Variants in HOMER1 observed in about 807,000 individuals in gnomAD.
The protein encoded by HOMER1 is homer scaffold protein 1, also known as homer protein homolog 1.
A neutral mutation model predicts 48.9 loss-of-function variants in HOMER1; 3 were observed. That is an observed-to-expected ratio of 0.06 (90% CI 0.03 to 0.16). The LOEUF (loss-of-function observed/expected upper bound fraction) is 0.16, where lower values mean the gene tolerates loss of function less well. Among genes scored for constraint, HOMER1 ranks in the 10% least tolerant of loss-of-function variants. The pLI, the probability that HOMER1 is intolerant of heterozygous loss-of-function variation, is 1.00. For missense variants in HOMER1, 247 were observed against 411.4 expected (o/e 0.60, Z 3.46); for synonymous variants, 134 against 146.4 (o/e 0.92, Z 0.61).
At chr5:79,508,451 G>T (rs1357919874) in intron 1 of HOMER1, among the ~76,000 whole-genome samples, 1 of 152,146 alleles carries the variant, frequency 6.6e-6, no homozygotes, top group East Asian at 1.9e-4. Flanking sequence ...CTAAACTACA[G>T]GATAATCCAA....
chr5:79,387,065 T>TTCTTTCTC (rs1554056666), intron 8 of HOMER1, among the ~76,000 whole-genome samples: 1 of 109,136 alleles, frequency 9.2e-6, no homozygotes, highest in East Asian at 3.6e-4. Context: ...CCTCTTTCCT[T>TTCTTTCTC]TCTTTCTCTA....
rs1748692060 is a variant in HOMER1, at chr5:79,373,773, C to T, written c.*2236G>A. 1 of 151,838 alleles carries T rather than the reference C, an allele frequency of 6.6e-6. No homozygotes were observed. Among genetic ancestry groups the T allele is most frequent in the Non-Finnish European group, 1.5e-5 (1 of 67,868 alleles). 9.4% of individuals were successfully genotyped at this position (151,838 alleles called of 1,614,324 possible). A position where few individuals can be genotyped will look rare whatever the true frequency, so the allele number is the denominator to read the frequency against. On this transcript the variant is annotated 3_prime_UTR_variant, in exon 9 of 9. Transcript: ENST00000334082. ...CACTAAAAAAGGAAACAATTAGGCTCTATTGGACAAGAAAAACACTCACAA... is the reference window on the plus strand; with the variant it reads ...CACTAAAAAAGGAAACAATTAGGCTTTATTGGACAAGAAAAACACTCACAA...
At chr5:79,498,715 G>T (rs149426797) in intron 1 of HOMER1, among the ~76,000 whole-genome samples, 2 of 152,062 alleles carry the variant, frequency 1.3e-5, no homozygotes, top group South Asian at 2.1e-4. Context: ...TTTAAATCTG[G>T]ATACAATATG....
At chr5:79,392,954 G>GGGGAGAGAGAGA (rs758464934) in intron 8 of HOMER1, among the ~76,000 whole-genome samples, 13 of 140,958 alleles carry the variant, frequency 9.2e-5, no homozygotes, top group African/African-American at 3.0e-4. Flanking sequence ...GAAGGGAAAG[G>GGGGAGAGAGAGA]GAGAGAGAGA....
At chr5:79,398,538 C>T (rs1477393560) in intron 6 of HOMER1, among the ~76,000 whole-genome samples, 1 of 152,100 alleles carries the variant, frequency 6.6e-6, no homozygotes, top group Non-Finnish European at 1.5e-5. Flanking sequence ...CTAATAGCCT[C>T]GTTACAAACC....
intron 1 of HOMER1, among the ~76,000 whole-genome samples, chr5:79,498,971 G>T (rs1464671674): frequency 6.6e-6 from 1 of 151,886 alleles, no homozygotes; most frequent in African/African-American, 2.4e-5. Flanking sequence ...GAGTAGCTGG[G>T]ACTACAGGCG....
In HOMER1 at chr5:79,482,114, G is replaced by A. The variant is rs112025371; in HGVS notation, c.6-25096C>T. Among the ~76,000 whole-genome samples the A allele has an allele frequency of 3.0e-3, 454 of 152,184 alleles. 4 individuals carry two copies. Among genetic ancestry groups the A allele is most frequent in the African/African-American group, 0.01 (428 of 41,514 alleles). ...GTGTACATGTAGTCCCAGCTACTTG[G>A]GAGGCTGAGGTGGGAGGACCACTTG... On this transcript the variant is annotated intron_variant, in intron 1 of 8. Coordinates refer to ENST00000334082, the MANE Select transcript of HOMER1 (RefSeq NM_004272.5).
At chr5:79,403,921 T>A (rs1267555675) in intron 5 of HOMER1, among the ~76,000 whole-genome samples, 2 of 152,198 alleles carry the variant, frequency 1.3e-5, no homozygotes, top group East Asian at 3.8e-4. Context: ...AGCTATTAAC[T>A]TAACAATCCA....
intron 1 of HOMER1, among the ~76,000 whole-genome samples, chr5:79,491,529 GCTTT>G (rs533850779): frequency 1.0e-3 from 156 of 151,782 alleles, no homozygotes; most frequent in Middle Eastern, 6.9e-3. Context: ...TCTTGCTTGG[GCTTT>G]CTTTATGTTG....
chr5:79,410,481 C>A (rs1487879728), intron 5 of HOMER1, among the ~76,000 whole-genome samples: 1 of 127,868 alleles, frequency 7.8e-6, no homozygotes, highest in African/African-American at 3.2e-5. Context: ...AAGAGTGAAA[C>A]TCTATCTCAA....
At chr5:79,411,210 C>T (rs1043560410) in intron 5 of HOMER1, among the ~76,000 whole-genome samples, 2 of 152,160 alleles carry the variant, frequency 1.3e-5, no homozygotes, top group Admixed American at 6.5e-5. Context: ...TCTGGCCAGG[C>T]ACAGTGGCTG....
intron 8 of HOMER1, among the ~76,000 whole-genome samples, chr5:79,378,225 A>T (rs1240600908): frequency 1.3e-5 from 2 of 149,392 alleles, no homozygotes; most frequent in African/African-American, 2.4e-5. Flanking sequence ...TCTGTCTCAA[A>T]AAAAAAAAAA....
chr5:79,484,675 A>G (rs1752046889), intron 1 of HOMER1, among the ~76,000 whole-genome samples: 2 of 152,234 alleles, frequency 1.3e-5, no homozygotes, highest in South Asian at 2.1e-4. Context: ...TTTTAAATAT[A>G]AAGACACCTA....
chr5:79,503,515 T>G (rs1752661598), intron 1 of HOMER1, among the ~76,000 whole-genome samples: 3 of 116,550 alleles, frequency 2.6e-5, no homozygotes, highest in Admixed American at 1.1e-4. Context: ...GGTGACAGAG[T>G]GAGACTCTGT....
intron 8 of HOMER1, 40 bp from the exon 9 acceptor site, chr5:79,376,237 A>G: frequency 2.1e-6 from 3 of 1,444,088 alleles, no homozygotes; most frequent in South Asian, 1.2e-5. Context: ...ATGTCAATTC[A>G]TCACTTAGAA....
chr5:79,499,635 T>C (rs1752520880), intron 1 of HOMER1, among the ~76,000 whole-genome samples: 1 of 152,106 alleles, frequency 6.6e-6, no homozygotes, highest in African/African-American at 2.4e-5. Flanking sequence ...CATAAAATAA[T>C]ACACAAATCT....
chr5:79,379,423 ATAT>A (rs1396195677), intron 8 of HOMER1, among the ~76,000 whole-genome samples: 2 of 116,364 alleles, frequency 1.7e-5, no homozygotes, highest in Admixed American at 1.2e-4. Context: ...TATATTTTAT[ATAT>A]TATATATTTA....
At chr5:79,510,963 G>A in intron 1 of HOMER1, 1 of 499,390 alleles carries the variant, frequency 2.0e-6, no homozygotes. Flanking sequence ...CATCTGCATG[G>A]GGCTGTGGGG....
At chr5:79,507,247 A>C (rs1003815237) in intron 1 of HOMER1, among the ~76,000 whole-genome samples, 51 of 151,546 alleles carry the variant, frequency 3.4e-4, no homozygotes, top group African/African-American at 1.2e-3. Context: ...CAAAACAAAA[A>C]AAAAACAGTT....
Sources: allele counts gnomAD v4.1 joint callset (sites outside exome capture counted in the v4.1 genomes callset), GRCh38; gene constraint gnomAD v4.1.1; transcripts MANE v1.5; gene names NCBI Gene and HGNC (gene_info 2026-07-23, HGNC 2026-07-21).